The following SPATA17 variants were observed in gnomAD, a reference collection of about 807,000 sequenced individuals.
SPATA17 encodes the protein spermatogenesis-associated protein 17.
In SPATA17, 53 loss-of-function variants were observed where a neutral mutation model predicts 62.2. That is an observed-to-expected ratio of 0.85 (90% CI 0.68 to 1.07). SPATA17 has a LOEUF of 1.07. SPATA17 is among the 50% of genes least tolerant of loss of function. The pLI is 0.00. For synonymous variants in SPATA17, 146 were observed against 146.8 expected (o/e 0.99, Z 0.04); for missense variants, 466 against 425.5 (o/e 1.10, Z -0.84).
chr1:217,661,414 C>T (rs920230787), intron 3 of SPATA17, among the ~76,000 whole-genome samples: 1 of 151,984 alleles, frequency 6.6e-6, no homozygotes, highest in African/African-American at 2.4e-5. Context: ...TCAAAATTCT[C>T]CTATACCCAA....
intron 6 of SPATA17, among the ~76,000 whole-genome samples, chr1:217,748,268 A>G (rs1672813342): frequency 6.9e-6 from 1 of 145,780 alleles, no homozygotes; most frequent in Non-Finnish European, 1.5e-5. Flanking sequence ...GCACCATTGC[A>G]CTCCAGCCTG....
intron 9 of SPATA17, among the ~76,000 whole-genome samples, chr1:217,845,340 T>A (rs1272672791): frequency 6.6e-6 from 1 of 152,122 alleles, no homozygotes; most frequent in Non-Finnish European, 1.5e-5. Context: ...GTGGTTTTAG[T>A]GCTTCTGTCT....
At chr1:217,704,287 A>C (rs1003635710) in intron 5 of SPATA17, among the ~76,000 whole-genome samples, 1 of 110,658 alleles carries the variant, frequency 9.0e-6, no homozygotes, top group Non-Finnish European at 1.7e-5. Flanking sequence ...TCTGTCGCCC[A>C]GGCCGGACTG....
Position 217,648,955 on chromosome 1 carries a change from G to A in SPATA17, c.142G>A (p.Val48Ile), listed in dbSNP as rs1281987263. The change falls in exon 2 of 11, where the codon GTT (valine) becomes ATT (isoleucine). Residue 48 changes from valine to isoleucine, a missense_variant. Coordinates refer to ENST00000366933, the MANE Select transcript of SPATA17 (RefSeq NM_138796.4). ...KIQSWFRGCQ[V>I]RAYIRHLNRI... The stretch of plus-strand genomic sequence containing the variant: ...CCAAAGCTGGTTTCGAGGATGTCAA[G>A]TTCGGGCATATATCAGGTATATTGC... 6.2e-7 allele frequency: 1 copy of A among 1,609,836 alleles called. No individual in the cohort carries two copies. The highest frequency in any genetic ancestry group is 2.2e-5 in the East Asian group (1 of 44,648).
intron 1 of SPATA17, among the ~76,000 whole-genome samples, chr1:217,635,698 A>G (rs1669920286): frequency 6.6e-6 from 1 of 151,548 alleles, no homozygotes; most frequent in African/African-American, 2.4e-5. Context: ...AGCAAGACTC[A>G]AATTCTGATT....
At chr1:217,822,615 A>G (rs1398121994) in intron 9 of SPATA17, among the ~76,000 whole-genome samples, 2 of 148,472 alleles carry the variant, frequency 1.3e-5, no homozygotes, top group Admixed American at 6.8e-5. Context: ...TATATGATAT[A>G]TAATGATATG....
chr1:217,810,172 T>G (rs1292659739), intron 9 of SPATA17, among the ~76,000 whole-genome samples: 3 of 152,210 alleles, frequency 2.0e-5, no homozygotes, highest in Admixed American at 6.5e-5. Flanking sequence ...AATATGCATT[T>G]ATTTAACCAT....
chr1:217,634,734 A>G (rs1489632725), intron 1 of SPATA17, among the ~76,000 whole-genome samples: 1 of 152,218 alleles, frequency 6.6e-6, no homozygotes, highest in East Asian at 1.9e-4. Context: ...TTTAAACTAT[A>G]AACTAAGTTC....
intron 5 of SPATA17, among the ~76,000 whole-genome samples, chr1:217,696,355 G>C (rs1020346846): frequency 1.3e-5 from 2 of 152,088 alleles, no homozygotes; most frequent in African/African-American, 2.4e-5. Flanking sequence ...TTCGGCTCGC[G>C]CACAGTGCGC....
intron 9 of SPATA17, among the ~76,000 whole-genome samples, chr1:217,837,606 G>T (rs1675291248): frequency 6.6e-6 from 1 of 151,918 alleles, no homozygotes; most frequent in African/African-American, 2.4e-5. Flanking sequence ...GCTTTGCTCT[G>T]GGAATTGGTG....
At chr1:217,706,804 C>G (rs1001451265) in intron 5 of SPATA17, among the ~76,000 whole-genome samples, 1 of 151,840 alleles carries the variant, frequency 6.6e-6, no homozygotes, top group Non-Finnish European at 1.5e-5. Flanking sequence ...CTGTAGAGAT[C>G]TGTCACCTCC....
intron 1 of SPATA17, among the ~76,000 whole-genome samples, chr1:217,645,835 C>A (rs1670168683): frequency 6.6e-6 from 1 of 152,132 alleles, no homozygotes; most frequent in South Asian, 2.1e-4. Flanking sequence ...AACCCTGCAA[C>A]CAGTTGAATA....
At chr1:217,774,099 T>C (rs1673527356) in intron 6 of SPATA17, among the ~76,000 whole-genome samples, 1 of 152,198 alleles carries the variant, frequency 6.6e-6, no homozygotes, top group Admixed American at 6.5e-5. Context: ...CACTAGTTTT[T>C]AAAATGTTTA....
chr1:217,671,752 C>T (rs1049818872), intron 4 of SPATA17, among the ~76,000 whole-genome samples: 1 of 152,078 alleles, frequency 6.6e-6, no homozygotes, highest in African/African-American at 2.4e-5. Flanking sequence ...TAGGCTTTAC[C>T]TAGAGGTTGG....
chr1:217,702,646 G>A (rs1280013249), intron 5 of SPATA17, among the ~76,000 whole-genome samples: 3 of 152,064 alleles, frequency 2.0e-5, no homozygotes, highest in African/African-American at 4.8e-5. Flanking sequence ...AACATCTTTT[G>A]CTAGTTTTAT....
At chr1:217,855,485 A>G (rs905506640) in intron 9 of SPATA17, among the ~76,000 whole-genome samples, 2 of 152,160 alleles carry the variant, frequency 1.3e-5, no homozygotes, top group Admixed American at 6.6e-5. Context: ...TTTCATGTAC[A>G]TCTGCCTTTC....
At chr1:217,706,554 C>A (rs1671742342) in intron 5 of SPATA17, among the ~76,000 whole-genome samples, 1 of 152,164 alleles carries the variant, frequency 6.6e-6, no homozygotes, top group South Asian at 2.1e-4. Flanking sequence ...CTTGCTCTTG[C>A]CTGCTGCCAT....
chr1:217,813,736 C>T (rs374522802), intron 9 of SPATA17, among the ~76,000 whole-genome samples: 78 of 152,006 alleles, frequency 5.1e-4, no homozygotes, highest in African/African-American at 1.7e-3. Context: ...TCTAGTCTTT[C>T]TAAGGACAGT....
chr1:217,753,693 T>C (rs1354049918), intron 6 of SPATA17, among the ~76,000 whole-genome samples: 1 of 152,026 alleles, frequency 6.6e-6, no homozygotes, highest in Non-Finnish European at 1.5e-5. Flanking sequence ...TATGTATGTA[T>C]ATGCATATAT....
Sources: gnomAD v4.1 joint callset for allele counts (sites outside exome capture counted in the v4.1 genomes callset) on GRCh38, gnomAD v4.1.1 for gene constraint, MANE v1.5 for transcripts, NCBI Gene and HGNC (gene_info 2026-07-23, HGNC 2026-07-21) for gene names.